The following GBP5 variants were observed in gnomAD, a reference collection of about 807,000 sequenced individuals.
GBP5 encodes the protein guanylate binding protein 5, also known as guanylate-binding protein 5.
GBP5 carries 48 observed loss-of-function variants against 58.2 expected under a neutral mutation model. The observed-to-expected ratio is 0.83, with a 90% CI of 0.65 to 1.05. The LOEUF (loss-of-function observed/expected upper bound fraction) is 1.05. GBP5 is among the 50% of genes least tolerant of loss of function. The pLI is 0.00. For synonymous variants in GBP5, 248 were observed against 251.8 expected (o/e 0.98, Z 0.14); for missense variants, 714 against 686.8 (o/e 1.04, Z -0.44).
rs565480338 is a variant in GBP5 at position 89,262,276 on chromosome 1, T to A, written c.1591A>T (p.Ile531Leu). The change falls in exon 11 of 12, where the codon ATA (isoleucine) becomes TTA (leucine). Residue 531 changes from isoleucine to leucine, a missense_variant. Physicochemically the swap from Ile to Leu is conservative, Grantham distance 5 (BLOSUM62 2). Coordinates refer to ENST00000370459, the MANE Select transcript of GBP5 (RefSeq NM_052942.5). ...TCTGCCAGCCAATTTTGTTTGGCTA[T>A]CTCCATTTGTCTCACTTGTTCCTGA... ...LHQEQVRQMEIAKQNWLAEQQ... is the reference protein window; with the variant it reads ...LHQEQVRQMELAKQNWLAEQQ... The A allele has an allele frequency of 1.5e-5, 25 of 1,614,064 alleles. No homozygotes were observed. The South Asian group carries it at 2.2e-4, about 14-fold the overall frequency.
chr1:89,267,602 A>T (rs1293035526), intron 4 of GBP5, 76 bp from the exon 5 acceptor site: 1 of 831,464 alleles, frequency 1.2e-6, no homozygotes, highest in African/African-American at 1.7e-5. Flanking sequence ...GGCTCTTGTC[A>T]TAAATGTTTA....
At chr1:89,271,787 C>T (rs929959314) in intron 1 of GBP5, 2 of 152,098 alleles carry the variant, frequency 1.3e-5, no homozygotes, top group Admixed American at 1.3e-4. Context: ...TTGAGGGATC[C>T]AGTTGGGCAA....
rs61336670 is a variant in GBP5 at position 89,265,996 on chromosome 1, A to T, written c.868+350T>A. Among the ~76,000 whole-genome samples, 840 of 152,334 alleles carry T rather than the reference A, an allele frequency of 5.5e-3. 11 individuals carry two copies. Among genetic ancestry groups the T allele is most frequent in the African/African-American group, 0.02 (813 of 41,578 alleles). On this transcript the variant is annotated intron_variant, in intron 7 of 11. Coordinates refer to ENST00000370459, the MANE Select transcript of GBP5 (RefSeq NM_052942.5). ...ACCACGTTTCACTTATACAGGGAAC[A>T]TATATGTCTTGTTCATCTTGTGCCT...
chr1:89,260,792 G>A lies in GBP5; in HGVS notation c.1673C>T (p.Thr558Ile), dbSNP rs778384502. 6.2e-7 allele frequency: 1 copy of A among 1,613,806 alleles called. No homozygotes were observed. The highest frequency in any genetic ancestry group is 1.3e-5 in the African/African-American group (1 of 74,928). The change falls in exon 12 of 12, where the codon ACA becomes ATA. Residue 558 changes from threonine to isoleucine, a missense_variant. Thr to Ile is a moderately conservative substitution (Grantham distance 89, BLOSUM62 -1). Coordinates refer to ENST00000370459, the MANE Select transcript of GBP5 (RefSeq NM_052942.5). ...MQEQAAQLST[T>I]FQAQNRSLLS... ...AAGGCTTCTATTTTGAGCTTGGAATGTTGTGCTGAGCTGTGCAGCCTGTTC... is the reference window on the plus strand; with the variant it reads ...AAGGCTTCTATTTTGAGCTTGGAATATTGTGCTGAGCTGTGCAGCCTGTTC...
intron 10 of GBP5, 27 bp downstream of exon 10, chr1:89,262,656 C>G: frequency 6.9e-7 from 1 of 1,459,604 alleles, no homozygotes; most frequent in Non-Finnish European, 9.6e-7. Context: ...TTCTTTCTAT[C>G]TTGCATAATT....
At chr1:89,263,059 C>T in intron 9 of GBP5, 1 of 279,694 alleles carries the variant, frequency 3.6e-6, no homozygotes, top group Non-Finnish European at 6.7e-6. Context: ...CCACTAGATG[C>T]AAAGGACTTG....
Position 89,264,845 on chromosome 1 carries a change from A to C in GBP5, c.990T>G (p.Ile330Met), listed in dbSNP as rs200417227. 6.2e-7 allele frequency: 1 copy of C among 1,614,224 alleles called. No homozygotes were observed. The highest frequency in any genetic ancestry group is 2.2e-5 in the East Asian group (1 of 44,892). ...GGCCCATTTGCTGGTCATAGTGGGC[A>C]ATGGCCTTTTGCACTGCAGCTGAGT... ...RENSAAVQKA[I>M]AHYDQQMGQK... The change falls in exon 8 of 12, where the codon ATT becomes ATG. Residue 330 changes from isoleucine (I) to methionine (M), a missense_variant. Physicochemically the swap from Ile to Met is conservative, Grantham distance 10 (BLOSUM62 1). Coordinates refer to ENST00000370459, the MANE Select transcript of GBP5 (RefSeq NM_052942.5).
intron 7 of GBP5, 96 bp downstream of exon 7, chr1:89,266,250 G>C: frequency 9.7e-6 from 10 of 1,033,072 alleles, no homozygotes; most frequent in Non-Finnish European, 1.4e-5. Context: ...AATTGCCTAT[G>C]CATTTGTCAA....
chr1:89,263,999 T>C, intron 8 of GBP5, 51 bp from the exon 9 acceptor site: 1 of 1,072,046 alleles, frequency 9.3e-7, no homozygotes, highest in East Asian at 2.4e-5. Context: ...ACTTCAGTAT[T>C]TCTGGAAATA....
intron 8 of GBP5, 76 bp downstream of exon 8, chr1:89,264,610 A>T: frequency 7.7e-7 from 1 of 1,291,710 alleles, no homozygotes; most frequent in Admixed American, 2.1e-5. Flanking sequence ...TTCTTAGCTA[A>T]GTCCTATTTT....
intron 1 of GBP5, chr1:89,272,208 A>T (rs1350514803): frequency 6.6e-6 from 1 of 152,232 alleles, no homozygotes; most frequent in East Asian, 1.9e-4. Flanking sequence ...GCAAAGGAAG[A>T]AAAATAATTT....
chr1:89,262,309 T>G lies in GBP5; in HGVS notation c.1558A>C (p.Arg520=). The stretch of plus-strand genomic sequence containing the variant: ...TGTCTCACTTGTTCCTGATGGAGTC[T>G]CTCCCTCTCCTGCATCATTTGCTCG... ...QNEQMMQERE[R]LHQEQVRQME... Residue 520 remains arginine (R), a synonymous_variant, in exon 11 of 12, where the codon AGA becomes CGA. Transcript: ENST00000370459. 1 of 1,614,088 alleles carries G rather than the reference T, an allele frequency of 6.2e-7. No individual in the cohort carries two copies. Among genetic ancestry groups the G allele is most frequent in the Non-Finnish European group, 8.5e-7 (1 of 1,179,908 alleles).
At position 89,266,496 on chromosome 1, in the gene GBP5, C is replaced by T; in HGVS notation, c.718G>A (p.Ala240Thr). ...KKKCFIFDLPAHQKKLAQLET... is the reference protein window; with the variant it reads ...KKKCFIFDLPTHQKKLAQLET... ...AGTTGGGCAAGCTTTTTTTGGTGAG[C>T]AGGTAAGTCAAAGATAAAGCATTTC... Residue 240 changes from alanine (A) to threonine (T), a missense_variant, in exon 7 of 12, where the codon GCT (alanine) becomes ACT (threonine). Transcript: ENST00000370459. 1 of 1,614,076 alleles carries T rather than the reference C, an allele frequency of 6.2e-7. No individual in the cohort carries two copies. The highest frequency in any genetic ancestry group is 1.1e-5 in the South Asian group (1 of 91,078).
chr1:89,268,069 GCCAACTCATA>G (rs1334002857), intron 4 of GBP5, among the ~76,000 whole-genome samples: 3 of 152,190 alleles, frequency 2.0e-5, no homozygotes, highest in African/African-American at 7.2e-5. Context: ...GTGTGCTGGA[GCCAACTCATA>G]CCAACTCATG....
At chr1:89,270,955 G>C (rs1446669347) in intron 1 of GBP5, 93 bp from the exon 2 acceptor site, 1 of 152,184 alleles carries the variant, frequency 6.6e-6, no homozygotes, top group Non-Finnish European at 1.5e-5. Context: ...CTAAGGAAGA[G>C]GGAATGAATG....
At position 89,263,880 on chromosome 1, in the gene GBP5, C is replaced by T. The variant is rs763724428; in HGVS notation, c.1218G>A (p.Ser406=). The T allele has an allele frequency of 3.7e-6, 6 of 1,612,122 alleles. No homozygotes were observed. The highest frequency in any genetic ancestry group is 1.1e-5 in the South Asian group (1 of 90,922). Residue 406 remains serine, a synonymous_variant, in exon 9 of 12, where the codon TCG becomes TCA. Transcript: ENST00000370459. ...RNLEASSDYC[S]ALLKDIFGPL... is the part of the protein sequence containing the mutation. ...GACCAAAAATATCCTTAAGTAAAGC[C>T]GAGCAATAATCCGAGGATGCTTCCA...
At chr1:89,267,197 T>C (rs1650256365) in intron 5 of GBP5, 44 bp from the exon 6 acceptor site, 4 of 1,469,726 alleles carry the variant, frequency 2.7e-6, no homozygotes, top group Non-Finnish European at 3.7e-6. Flanking sequence ...GGACCACATC[T>C]AAACCCATAC....
intron 1 of GBP5, chr1:89,271,800 GT>G (rs1557506670): frequency 1.3e-5 from 2 of 152,206 alleles, no homozygotes; most frequent in Non-Finnish European, 2.9e-5. Flanking sequence ...TTGGGCAACT[GT>G]TAAATTAGGT....
rs1011600052 is a variant in GBP5 at position 89,257,885 on chromosome 1, A to G, written c.*2819T>C. 1.3e-5 allele frequency among the ~76,000 whole-genome samples: 2 copies of G among 152,240 alleles called. No individual in the cohort carries two copies. The highest frequency in any genetic ancestry group is 2.1e-4 in the South Asian group (1 of 4,834). On this transcript the variant is annotated 3_prime_UTR_variant, in exon 12 of 12. Transcript: ENST00000370459. ...AGAAGTCTGTGAAGCTTAAATCAAG[A>G]TGTTAACAAGGCTGCATTCCATCTG...
Sources: gnomAD v4.1 joint callset for allele counts (sites outside exome capture counted in the v4.1 genomes callset) on GRCh38, gnomAD v4.1.1 for gene constraint, MANE v1.5 for transcripts, NCBI Gene and HGNC (gene_info 2026-07-23, HGNC 2026-07-21) for gene names.